UBE2E2: variants seen among roughly 807,000 people sequenced by gnomAD.
UBE2E2 encodes ubiquitin-conjugating enzyme E2 E2.
A neutral mutation model predicts 24.7 loss-of-function variants in UBE2E2; 6 were observed. That is an observed-to-expected ratio of 0.24 (90% CI 0.13 to 0.48). The LOEUF (loss-of-function observed/expected upper bound fraction) is 0.48, where lower values mean the gene tolerates loss of function less well. UBE2E2 is among the 20% of genes least tolerant of loss of function. The pLI is 0.99. For missense variants in UBE2E2, 169 were observed against 245.0 expected (o/e 0.69, Z 2.07); for synonymous variants, 104 against 83.6 (o/e 1.24, Z -1.33).
intron 3 of UBE2E2, among the ~76,000 whole-genome samples, chr3:23,490,042 C>A (rs567826832): frequency 6.6e-5 from 10 of 152,218 alleles, no homozygotes; most frequent in Non-Finnish European, 1.2e-4. Flanking sequence ...TTTCTGGAGT[C>A]CTTTCAGCTA....
At chr3:23,469,139 G>A (rs1377907144) in intron 3 of UBE2E2, among the ~76,000 whole-genome samples, 1 of 152,156 alleles carries the variant, frequency 6.6e-6, no homozygotes, top group Non-Finnish European at 1.5e-5. Flanking sequence ...GTTCTGGTGG[G>A]TTCTCTGTTC....
intron 3 of UBE2E2, among the ~76,000 whole-genome samples, chr3:23,356,777 TAACA>T (rs1695966851): frequency 6.6e-6 from 1 of 152,234 alleles, no homozygotes; most frequent in Admixed American, 6.5e-5. Context: ...TTATGCTGCA[TAACA>T]AACAACATCA....
chr3:23,301,911 T>C (rs1381931255), intron 3 of UBE2E2, among the ~76,000 whole-genome samples: 5 of 141,172 alleles, frequency 3.5e-5, no homozygotes, highest in Non-Finnish European at 5.9e-5. Context: ...TCCCCTTCCT[T>C]AATGTTTCTT....
At chr3:23,452,220 A>G (rs186335753) in intron 3 of UBE2E2, among the ~76,000 whole-genome samples, 3 of 152,216 alleles carry the variant, frequency 2.0e-5, no homozygotes, top group African/African-American at 7.2e-5. Context: ...CACACTTTCA[A>G]CAGCACGATA....
At chr3:23,528,521 TC>T (rs1353684341) in intron 4 of UBE2E2, among the ~76,000 whole-genome samples, 1 of 152,142 alleles carries the variant, frequency 6.6e-6, no homozygotes, top group African/African-American at 2.4e-5. Context: ...AGTTCCTGCC[TC>T]TTTCTTAAGT....
chr3:23,375,260 G>A (rs1295107107), intron 3 of UBE2E2, among the ~76,000 whole-genome samples: 1 of 152,078 alleles, frequency 6.6e-6, no homozygotes, highest in Non-Finnish European at 1.5e-5. Context: ...TTGACCCATG[G>A]GAATCAAACT....
At chr3:23,479,452 C>G (rs905944464) in intron 3 of UBE2E2, among the ~76,000 whole-genome samples, 8 of 152,154 alleles carry the variant, frequency 5.3e-5, no homozygotes, top group African/African-American at 1.9e-4. Flanking sequence ...GTCAACAGTC[C>G]TAGCTCAGGG....
chr3:23,349,215 G>A (rs901428284), intron 3 of UBE2E2, among the ~76,000 whole-genome samples: 2 of 152,020 alleles, frequency 1.3e-5, no homozygotes, highest in Non-Finnish European at 2.9e-5. Flanking sequence ...AAGCCATCCT[G>A]GAAGGACAGT....
rs755979108 is a variant in UBE2E2, at chr3:23,523,069, GA to G, written c.361-9482del. On this transcript the variant is annotated intron_variant, in intron 4 of 5. Coordinates refer to ENST00000396703, the MANE Select transcript of UBE2E2 (RefSeq NM_152653.4). ...AAAAAAATGAAATATGAAATATAAT[GA>G]AAGAAGTAACTAATTTAAAAAAAAC... Among the ~76,000 whole-genome samples the G allele has an allele frequency of 1.5e-4, 23 of 152,152 alleles. No individual in the cohort carries two copies. The East Asian group carries it at 4.2e-3, about 28-fold the overall frequency.
chr3:23,247,335 A>G (rs1306454370), intron 3 of UBE2E2, among the ~76,000 whole-genome samples: 2 of 151,566 alleles, frequency 1.3e-5, no homozygotes, highest in Non-Finnish European at 2.9e-5. Flanking sequence ...ACCTAGTTAC[A>G]TATTATTTAG....
chr3:23,468,295 T>A (rs150410367), intron 3 of UBE2E2, among the ~76,000 whole-genome samples: 131 of 152,350 alleles, frequency 8.6e-4, no homozygotes, highest in Admixed American at 7.2e-3. Flanking sequence ...CAGTTGTTTT[T>A]CTCTACTTCC....
At chr3:23,428,292 A>G (rs970414424) in intron 3 of UBE2E2, among the ~76,000 whole-genome samples, 2 of 152,248 alleles carry the variant, frequency 1.3e-5, no homozygotes, top group Non-Finnish European at 2.9e-5. Flanking sequence ...ACATTATTAT[A>G]AACACATGGG....
intron 3 of UBE2E2, among the ~76,000 whole-genome samples, chr3:23,487,121 C>T (rs1035333020): frequency 2.0e-5 from 3 of 152,338 alleles, no homozygotes; most frequent in Admixed American, 6.5e-5. Context: ...GCTTCAGAGG[C>T]GGCCAAGGTG....
At chr3:23,318,789 T>G (rs917700623) in intron 3 of UBE2E2, among the ~76,000 whole-genome samples, 1 of 152,122 alleles carries the variant, frequency 6.6e-6, no homozygotes, top group African/African-American at 2.4e-5. Context: ...GAGTTAGCAT[T>G]CAAGATGAAA....
At chr3:23,314,979 C>T (rs1409103118) in intron 3 of UBE2E2, among the ~76,000 whole-genome samples, 3 of 152,106 alleles carry the variant, frequency 2.0e-5, no homozygotes, top group South Asian at 2.1e-4. Context: ...ACTTGAATAT[C>T]GACAGTCTTT....
At chr3:23,562,436 A>G (rs1402482328) in intron 5 of UBE2E2, among the ~76,000 whole-genome samples, 1 of 152,170 alleles carries the variant, frequency 6.6e-6, no homozygotes, top group Non-Finnish European at 1.5e-5. Context: ...ATCATGGTGG[A>G]TAAGCTTTTT....
chr3:23,211,053 A>G (rs1220370745), intron 2 of UBE2E2, among the ~76,000 whole-genome samples: 1 of 152,186 alleles, frequency 6.6e-6, no homozygotes, highest in African/African-American at 2.4e-5. Flanking sequence ...TTATGAGCAC[A>G]GAGGACCCCA....
chr3:23,353,774 G>T (rs1291638363), intron 3 of UBE2E2, among the ~76,000 whole-genome samples: 1 of 151,930 alleles, frequency 6.6e-6, no homozygotes, highest in Non-Finnish European at 1.5e-5. Context: ...ATGCTCATGG[G>T]TAGGAAGAAT....
chr3:23,387,885 G>A (rs923070535), intron 3 of UBE2E2, among the ~76,000 whole-genome samples: 3 of 152,078 alleles, frequency 2.0e-5, no homozygotes, highest in Non-Finnish European at 4.4e-5. Context: ...TGCTGCTAGT[G>A]GGGTCACATC....
Sources: gnomAD v4.1 joint callset for allele counts (sites outside exome capture counted in the v4.1 genomes callset) on GRCh38, gnomAD v4.1.1 for gene constraint, MANE v1.5 for transcripts, NCBI Gene and HGNC (gene_info 2026-07-23, HGNC 2026-07-21) for gene names.